The following EGFR variants were observed in gnomAD, a reference collection of about 807,000 sequenced individuals.
The protein encoded by EGFR is epidermal growth factor receptor.
In EGFR, 58 loss-of-function variants were observed where a neutral mutation model predicts 143.0. The ratio of observed to expected loss-of-function variants is 0.41; its 90% CI spans 0.33 to 0.50. The LOEUF is 0.50. EGFR is among the 20% of genes least tolerant of loss of function. EGFR has a pLI of 0.39. For missense variants in EGFR, 1,307 were observed against 1,579.0 expected, an observed-to-expected ratio of 0.83 and a Z score of 2.92; for synonymous variants, 613 against 594.4, an observed-to-expected ratio of 1.03 and a Z score of -0.45.
At chr7:55,203,446 C>T (rs1248774400) in intron 27 of EGFR, among the ~76,000 whole-genome samples, 1 of 131,224 alleles carries the variant, frequency 7.6e-6, no homozygotes, top group Non-Finnish European at 1.6e-5. Flanking sequence ...ACACACACTA[C>T]AGACATGTAT....
chr7:55,191,368 C>T (rs1341013632), intron 20 of EGFR, among the ~76,000 whole-genome samples: 1 of 152,030 alleles, frequency 6.6e-6, no homozygotes, highest in Non-Finnish European at 1.5e-5. Context: ...ACCCCCCACC[C>T]CCACTTTGCA....
At chr7:55,024,470 AACTTCTCATTAACAAAAG>A (rs1481990495) in intron 1 of EGFR, among the ~76,000 whole-genome samples, 39 of 152,186 alleles carry the variant, frequency 2.6e-4, no homozygotes, top group African/African-American at 8.9e-4. Flanking sequence ...ATATATCTGG[AACTTCTCATTAACAAAAG>A]ACTCAAGTTA....
chr7:55,077,758 G>A (rs889882206), intron 1 of EGFR, among the ~76,000 whole-genome samples: 11 of 151,978 alleles, frequency 7.2e-5, no homozygotes, highest in African/African-American at 2.7e-4. Flanking sequence ...GAAACTCTTT[G>A]GTGCTTGGGG....
In EGFR at chr7:55,043,106, G is replaced by A. The variant is rs1787992302; in HGVS notation, c.88+23741G>A. Among the ~76,000 whole-genome samples, 6 of 152,140 alleles carry A rather than the reference G, an allele frequency of 3.9e-5. 1 individual carries two copies. The South Asian group carries it at 1.0e-3, about 26-fold the overall frequency. ...ACTGCTCTCAATGTTAATACTTGAT[G>A]AGATCGGGCGCGTTCAAGGTGGCAT... On this transcript the variant is annotated intron_variant, in intron 1 of 27. Coordinates refer to ENST00000275493, the MANE Select transcript of EGFR (RefSeq NM_005228.5).
intron 1 of EGFR, among the ~76,000 whole-genome samples, chr7:55,133,060 T>G (rs1793946223): frequency 6.6e-6 from 1 of 152,138 alleles, no homozygotes; most frequent in Non-Finnish European, 1.5e-5. Flanking sequence ...TACTCAGCCT[T>G]TGTCATCAAG....
intron 1 of EGFR, among the ~76,000 whole-genome samples, chr7:55,091,040 T>C (rs1433161050): frequency 5.9e-5 from 9 of 152,256 alleles, no homozygotes; most frequent in Admixed American, 5.9e-4. Flanking sequence ...CCTGACCTCA[T>C]CTGACTTCTC....
At chr7:55,089,215 G>T (rs1790954850) in intron 1 of EGFR, among the ~76,000 whole-genome samples, 1 of 152,098 alleles carries the variant, frequency 6.6e-6, no homozygotes, top group Non-Finnish European at 1.5e-5. Context: ...GTGTAAGTCA[G>T]CCTATGCATG....
At chr7:55,022,933 CCT>C (rs1786660196) in intron 1 of EGFR, among the ~76,000 whole-genome samples, 1 of 152,170 alleles carries the variant, frequency 6.6e-6, no homozygotes, top group South Asian at 2.1e-4. Context: ...AGGATTCCTC[CCT>C]GTTTGAAAAG....
intron 1 of EGFR, among the ~76,000 whole-genome samples, chr7:55,100,985 T>G (rs570145319): frequency 6.6e-6 from 1 of 152,374 alleles, no homozygotes; most frequent in Admixed American, 6.5e-5. Context: ...ACCTGGTGCT[T>G]TTCCACCACA....
At chr7:55,025,961 G>A (rs1344895596) in intron 1 of EGFR, among the ~76,000 whole-genome samples, 1 of 152,062 alleles carries the variant, frequency 6.6e-6, no homozygotes, top group African/African-American at 2.4e-5. Flanking sequence ...TACGCTAGTG[G>A]CTGAACCAAA....
chr7:55,170,654 T>C, intron 15 of EGFR: 1 of 1,597,018 alleles, frequency 6.3e-7, no homozygotes, highest in South Asian at 1.1e-5. Context: ...TTCCACTCCC[T>C]TTGCCAGTGC....
chr7:55,030,584 A>T (rs1787191989), intron 1 of EGFR, among the ~76,000 whole-genome samples: 1 of 152,238 alleles, frequency 6.6e-6, no homozygotes, highest in Admixed American at 6.5e-5. Context: ...ATGAAAGGAG[A>T]AGGCAACTTG....
At chr7:55,041,200 G>A (rs1005396141) in intron 1 of EGFR, among the ~76,000 whole-genome samples, 6 of 152,212 alleles carry the variant, frequency 3.9e-5, no homozygotes, top group Non-Finnish European at 8.8e-5. Flanking sequence ...ATCACCTGAG[G>A]TCAGGAGTTC....
At chr7:55,138,394 C>T (rs1794275692) in intron 1 of EGFR, among the ~76,000 whole-genome samples, 1 of 152,186 alleles carries the variant, frequency 6.6e-6, no homozygotes. Context: ...AATATCAACT[C>T]TTTCTTTGAA....
intron 22 of EGFR, among the ~76,000 whole-genome samples, chr7:55,194,677 C>T (rs895587846): frequency 6.6e-6 from 1 of 152,168 alleles, no homozygotes; most frequent in Non-Finnish European, 1.5e-5. Context: ...CCTGTGTGTG[C>T]CAGCGCAATG....
At chr7:55,112,230 C>T (rs1032349241) in intron 1 of EGFR, among the ~76,000 whole-genome samples, 1 of 152,174 alleles carries the variant, frequency 6.6e-6, no homozygotes, top group Non-Finnish European at 1.5e-5. Flanking sequence ...GATAGCCACA[C>T]GATTTAAGGG....
intron 1 of EGFR, among the ~76,000 whole-genome samples, chr7:55,138,568 A>G (rs950731427): frequency 1.3e-5 from 2 of 152,208 alleles, no homozygotes; most frequent in African/African-American, 4.8e-5. Context: ...AGATCCAAAC[A>G]TCTCAGTTTA....
intron 5 of EGFR, among the ~76,000 whole-genome samples, chr7:55,151,980 T>C (rs1785182166): frequency 6.6e-6 from 1 of 152,254 alleles, no homozygotes; most frequent in Admixed American, 6.5e-5. Context: ...CTTGCTCCTG[T>C]TGACAGCAGT....
Position 55,200,388 on chromosome 7 carries a change from AC to A in EGFR, c.2926del (p.Gln976SerfsTer26). ...ATCGAATTCTCCAAAATGGCCCGAG[AC>A]CCCCAGCGCTACCTTGTCATTCAGG... The part of the protein sequence containing the change: ...LIIEFSKMAR[D>X]PQRYLVIQGD... On this transcript the variant is annotated frameshift_variant, in exon 24 of 28. Transcript: ENST00000275493. LOFTEE classifies it high-confidence loss of function. 1 of 1,613,912 alleles carries A rather than the reference AC, an allele frequency of 6.2e-7. No individual in the cohort carries two copies. The highest frequency in any genetic ancestry group is 8.5e-7 in the Non-Finnish European group (1 of 1,179,980).
Sources: allele counts gnomAD v4.1 joint callset (sites outside exome capture counted in the v4.1 genomes callset), GRCh38; gene constraint gnomAD v4.1.1; transcripts MANE v1.5; gene names NCBI Gene and HGNC (gene_info 2026-07-23, HGNC 2026-07-21).